The following PARP8 variants were observed in gnomAD, a reference collection of about 807,000 sequenced individuals.
PARP8 encodes the protein poly(ADP-ribose) polymerase family member 8, also known as protein mono-ADP-ribosyltransferase PARP8.
PARP8 carries 51 observed loss-of-function variants against 124.1 expected under a neutral mutation model. The observed-to-expected ratio is 0.41, with a 90% CI of 0.33 to 0.52. The LOEUF (loss-of-function observed/expected upper bound fraction) is 0.52, where lower values mean the gene tolerates loss of function less well. PARP8 is among the 20% of genes least tolerant of loss of function. The pLI is 0.21. For synonymous variants in PARP8, 391 were observed against 361.5 expected (o/e 1.08, Z -0.93); for missense variants, 860 against 1,018.9 (o/e 0.84, Z 2.12).
At chr5:50,833,291 G>A (rs968444085) in intron 23 of PARP8, 2 of 328,762 alleles carry the variant, frequency 6.1e-6, no homozygotes, top group African/African-American at 4.3e-5. Context: ...GTCAGGAAAG[G>A]ATACTCTGAG....
intron 2 of PARP8, among the ~76,000 whole-genome samples, chr5:50,715,046 G>T (rs1252366074): frequency 6.6e-6 from 1 of 151,752 alleles, no homozygotes; most frequent in Non-Finnish European, 1.5e-5. Flanking sequence ...ATTTTAGTAA[G>T]AGTTCATCAG....
In PARP8 at chr5:50,780,263, A is replaced by G. The variant is rs1251214066; in HGVS notation, c.670+1613A>G. 2.6e-5 allele frequency among the ~76,000 whole-genome samples: 4 copies of G among 152,064 alleles called. No homozygotes were observed. The South Asian group carries it at 6.2e-4, about 24-fold the overall frequency. Reference sequence around the variant, plus strand: ...GTATGTGTTCTTGCTCCTTCCCCACATATTCTGCCATATGGCTAACTTTTT... The same window carrying G: ...GTATGTGTTCTTGCTCCTTCCCCACGTATTCTGCCATATGGCTAACTTTTT... On this transcript the variant is annotated intron_variant, in intron 9 of 25. Transcript: ENST00000281631.
At chr5:50,806,709 A>T (rs547094812) in intron 14 of PARP8, among the ~76,000 whole-genome samples, 39 of 152,208 alleles carry the variant, frequency 2.6e-4, no homozygotes, top group Non-Finnish European at 5.3e-4. Flanking sequence ...AGAGAGATAG[A>T]CACAGGAAGA....
At chr5:50,704,706 T>C (rs1443813782) in intron 2 of PARP8, among the ~76,000 whole-genome samples, 1 of 152,180 alleles carries the variant, frequency 6.6e-6, no homozygotes, top group Non-Finnish European at 1.5e-5. Flanking sequence ...TGATAGTGTT[T>C]TGGCTGTATG....
intron 5 of PARP8, 148 bp downstream of exon 5, chr5:50,760,510 G>A: frequency 1.8e-6 from 1 of 559,264 alleles, no homozygotes. Flanking sequence ...TGTTTGGTAT[G>A]GTAGGAAGTG....
intron 10 of PARP8, among the ~76,000 whole-genome samples, chr5:50,792,085 T>G (rs1742022458): frequency 6.6e-6 from 1 of 152,188 alleles, no homozygotes; most frequent in Non-Finnish European, 1.5e-5. Flanking sequence ...TTGGCCGTGA[T>G]ATCATCTGCT....
chr5:50,672,016 A>G, intron 2 of PARP8, among the ~76,000 whole-genome samples: 1 of 152,144 alleles, frequency 6.6e-6, no homozygotes, highest in East Asian at 1.9e-4. Context: ...TAGTAATGGA[A>G]TATTCCTTAA....
chr5:50,779,342 A>C (rs1371366583), intron 9 of PARP8, among the ~76,000 whole-genome samples: 1 of 152,122 alleles, frequency 6.6e-6, no homozygotes, highest in East Asian at 1.9e-4. Context: ...TTCTTTGGGC[A>C]CTTCTTGCTT....
chr5:50,818,034 T>C (rs906595598), intron 15 of PARP8, among the ~76,000 whole-genome samples: 1 of 152,166 alleles, frequency 6.6e-6, no homozygotes, highest in African/African-American at 2.4e-5. Flanking sequence ...AACTGCCAAA[T>C]TGCTTCTTCA....
intron 2 of PARP8, among the ~76,000 whole-genome samples, chr5:50,725,196 A>G (rs948528535): frequency 1.3e-4 from 19 of 151,606 alleles, no homozygotes; most frequent in African/African-American, 4.4e-4. Flanking sequence ...TCATTAGTTG[A>G]TGGGCACTTA....
At chr5:50,750,984 CTA>C (rs559486954) in intron 3 of PARP8, among the ~76,000 whole-genome samples, 116 of 152,126 alleles carry the variant, frequency 7.6e-4, no homozygotes, top group African/African-American at 2.4e-3. Flanking sequence ...GTTTTTGATG[CTA>C]TGTTTGCCAA....
rs1011878980 is a variant in PARP8 at position 50,790,293 on chromosome 5, T to C, written c.737+1704T>C. Among the ~76,000 whole-genome samples the C allele has an allele frequency of 9.9e-5, 15 of 152,176 alleles. No homozygotes were observed. The East Asian group carries it at 1.2e-3, about 12-fold the overall frequency. The stretch of plus-strand genomic sequence containing the variant: ...AGGATAAATTTTCTCAGTTTTCCAT[T>C]CTAGGGTCAGGTATGCTTTCCCAGG... On this transcript the variant is annotated intron_variant, in intron 10 of 25. Coordinates refer to ENST00000281631, the MANE Select transcript of PARP8 (RefSeq NM_024615.4).
intron 2 of PARP8, among the ~76,000 whole-genome samples, chr5:50,719,315 A>G (rs1475712595): frequency 6.6e-6 from 1 of 151,938 alleles, no homozygotes; most frequent in Non-Finnish European, 1.5e-5. Flanking sequence ...TGTTGTACAG[A>G]CACTTTGTAG....
Position 50,794,322 on chromosome 5 carries a change from A to C in PARP8, c.853A>C (p.Thr285Pro). Residue 285 changes from threonine to proline, a missense_variant, in exon 11 of 26, where the codon ACT (threonine) becomes CCT (proline). Physicochemically the swap from Thr to Pro is conservative, Grantham distance 38. This residue lies in a region of PARP8 where 517 missense variants were observed against 544.2 expected (regional missense o/e 0.95). Transcript: ENST00000281631. ...KVKSPLHLFS[T>P]LRRSPSYPPP... Reference sequence around the variant, plus strand: ...GAAGTCTCCCCTGCATTTATTTTCTACTTTGCGCAGGTTGGTAACAGGCAA... The same window carrying C: ...GAAGTCTCCCCTGCATTTATTTTCTCCTTTGCGCAGGTTGGTAACAGGCAA... The C allele has an allele frequency of 6.2e-7, 1 of 1,613,078 alleles. No individual in the cohort carries two copies. The highest frequency in any genetic ancestry group is 2.2e-5 in the East Asian group (1 of 44,778).
chr5:50,788,380 G>A (rs1741545719), intron 9 of PARP8, 143 bp from the exon 10 acceptor site: 5 of 579,804 alleles, frequency 8.6e-6, no homozygotes, highest in Non-Finnish European at 1.2e-5. Context: ...AGCATAAATA[G>A]CATTGTTTAG....
intron 14 of PARP8, among the ~76,000 whole-genome samples, chr5:50,807,838 A>G (rs1744029136): frequency 6.6e-6 from 1 of 151,996 alleles, no homozygotes; most frequent in Non-Finnish European, 1.5e-5. Flanking sequence ...TTATGATCTC[A>G]TTCTCTTCTC....
At chr5:50,835,823 A>C (rs1426543588) in intron 25 of PARP8, among the ~76,000 whole-genome samples, 1 of 152,022 alleles carries the variant, frequency 6.6e-6, no homozygotes, top group African/African-American at 2.4e-5. Context: ...TAAAAGCATT[A>C]TTTTTCATTC....
At position 50,666,708 on chromosome 5, in the gene PARP8, G is replaced by A. The variant is rs937660350; in HGVS notation, c.-388G>A. The A allele has an allele frequency of 1.4e-4, 34 of 250,236 alleles. No individual in the cohort carries two copies. The highest frequency in any genetic ancestry group is 7.4e-4 in the African/African-American group (32 of 43,144). The allele number at this position is 250,236 out of a possible 1,614,324, so 15.5% of individuals were successfully genotyped here. A position where few individuals can be genotyped will look rare whatever the true frequency, so the allele number is the denominator to read the frequency against. ...GGAGCGGGGCTCGCCCCTCGCCGGC[G>A]CCCGCCGCCCAGCCGGTGATTGCTC... On this transcript the variant is annotated 5_prime_UTR_variant, in exon 1 of 26. Coordinates refer to ENST00000281631, the MANE Select transcript of PARP8 (RefSeq NM_024615.4).
At chr5:50,737,814 AT>A (rs2149528564) in intron 2 of PARP8, among the ~76,000 whole-genome samples, 1 of 152,298 alleles carries the variant, frequency 6.6e-6, no homozygotes, top group Non-Finnish European at 1.5e-5. Flanking sequence ...GCTGTCTTAG[AT>A]TTTTGTAACT....
Sources: gnomAD v4.1 joint callset for allele counts (sites outside exome capture counted in the v4.1 genomes callset) on GRCh38, gnomAD v4.1.1 for gene constraint, gnomAD v4.1.1 regional missense constraint, MANE v1.5 for transcripts, NCBI Gene and HGNC (gene_info 2026-07-23, HGNC 2026-07-21) for gene names.